RGS6: variants seen among roughly 807,000 people sequenced by gnomAD.
RGS6 encodes the protein regulator of G protein signaling 6.
RGS6 carries 30 observed loss-of-function variants against 78.5 expected under a neutral mutation model. The ratio of observed to expected loss-of-function variants is 0.38; its 90% CI spans 0.29 to 0.52. The LOEUF is 0.52. RGS6 is among the 20% of genes least tolerant of loss of function. The pLI, the probability that RGS6 is intolerant of heterozygous loss-of-function variation, is 0.85. For synonymous variants in RGS6, 206 were observed against 206.0 expected, an observed-to-expected ratio of 1.00 and a Z score of 0.00; for missense variants, 495 against 609.7, an observed-to-expected ratio of 0.81 and a Z score of 1.98.
downstream of RGS6, among the ~76,000 whole-genome samples, chr14:72,570,823 C>A (rs1232058299): frequency 6.6e-6 from 1 of 152,172 alleles, no homozygotes; most frequent in Non-Finnish European, 1.5e-5. Context: ...TGCTAAGCAG[C>A]ATTATGAACT....
intron 2 of RGS6, among the ~76,000 whole-genome samples, chr14:72,005,210 G>A (rs971537510): frequency 2.0e-5 from 3 of 152,110 alleles, no homozygotes; most frequent in African/African-American, 7.2e-5. Flanking sequence ...TAAAACATTT[G>A]CATTGAAAAA....
intron 1 of RGS6, among the ~76,000 whole-genome samples, chr14:71,941,318 G>T (rs1391498873): frequency 6.6e-6 from 1 of 152,086 alleles, no homozygotes; most frequent in Non-Finnish European, 1.5e-5. Flanking sequence ...TATACTATTA[G>T]AAGTAGAGTC....
At chr14:72,116,153 A>T (rs911831423) in intron 2 of RGS6, among the ~76,000 whole-genome samples, 1 of 152,234 alleles carries the variant, frequency 6.6e-6, no homozygotes, top group Non-Finnish European at 1.5e-5. Flanking sequence ...TTGTACACAC[A>T]TATGTGATGC....
intron 2 of RGS6, among the ~76,000 whole-genome samples, chr14:72,323,605 C>T (rs927176622): frequency 7.3e-5 from 11 of 151,094 alleles, no homozygotes; most frequent in African/African-American, 2.7e-4. Context: ...AGTTCGTGAC[C>T]TGCCTGGCCA....
intron 2 of RGS6, among the ~76,000 whole-genome samples, chr14:72,323,553 C>G (rs2072733178): frequency 6.6e-6 from 1 of 151,680 alleles, no homozygotes; most frequent in South Asian, 2.1e-4. Flanking sequence ...TTAGCCCTAT[C>G]AAATATTAAA....
the RGS6 span, among the ~76,000 whole-genome samples, chr14:72,613,825 G>A: frequency 2.6e-5 from 4 of 152,170 alleles, no homozygotes; most frequent in Non-Finnish European, 4.4e-5. Context: ...CGCACATGGA[G>A]GGGGCGCCCG....
At chr14:72,405,850 T>C (rs559263051) in intron 3 of RGS6, among the ~76,000 whole-genome samples, 1 of 152,332 alleles carries the variant, frequency 6.6e-6, no homozygotes, top group South Asian at 2.1e-4. Flanking sequence ...AGCTTTCAGT[T>C]TCAATGGTGG....
At chr14:71,912,164 AGAAG>A in the RGS6 span, among the ~76,000 whole-genome samples, 2 of 152,182 alleles carry the variant, frequency 1.3e-5, no homozygotes, top group African/African-American at 2.4e-5. Context: ...TGGCAACGAG[AGAAG>A]GAAGTCTGGC....
At chr14:72,537,274 C>T (rs1384708410) in intron 16 of RGS6, among the ~76,000 whole-genome samples, 2 of 152,180 alleles carry the variant, frequency 1.3e-5, no homozygotes, top group African/African-American at 4.8e-5. Context: ...ACATGCTCTC[C>T]GCTGGGCTGC....
intron 2 of RGS6, among the ~76,000 whole-genome samples, chr14:72,213,599 C>A (rs1441540777): frequency 6.6e-6 from 1 of 152,162 alleles, no homozygotes; most frequent in Non-Finnish European, 1.5e-5. Context: ...GGGAACAACC[C>A]CTCCTTAATG....
chr14:72,434,526 C>T (rs1566837702), intron 3 of RGS6, among the ~76,000 whole-genome samples: 3 of 152,056 alleles, frequency 2.0e-5, no homozygotes, highest in Non-Finnish European at 4.4e-5. Context: ...ATCACAATTC[C>T]GGTGGCCTGG....
chr14:72,228,191 C>T (rs2048605639), intron 2 of RGS6, among the ~76,000 whole-genome samples: 2 of 152,052 alleles, frequency 1.3e-5, no homozygotes, highest in African/African-American at 4.8e-5. Flanking sequence ...TCTGCCTAGC[C>T]AACATGGTGA....
At chr14:72,052,925 T>TTTCTTTC (rs2093340474) in intron 2 of RGS6, among the ~76,000 whole-genome samples, 5 of 120,330 alleles carry the variant, frequency 4.2e-5, no homozygotes, top group East Asian at 4.7e-4. Flanking sequence ...TTCATTGTAT[T>TTTCTTTC]TTTCTTTCTT....
In RGS6 at chr14:71,964,857, C is replaced by T; in HGVS notation, c.66C>T (p.Asn22=). ...CTGACCCAGAGGAGAGTTCTCCAAA[C>T]ATGATCGTTTACTGCAAAGTAAGGC... ...GVADPEESSP[N]MIVYCKIEDI... Residue 22 remains asparagine (N), a synonymous_variant, in exon 2 of 18, where the codon AAC becomes AAT. Transcript: ENST00000553525. The T allele has an allele frequency of 6.2e-7, 1 of 1,613,840 alleles. No individual in the cohort carries two copies. Among genetic ancestry groups the T allele is most frequent in the Non-Finnish European group, 8.5e-7 (1 of 1,179,856 alleles).
chr14:72,176,978 A>G (rs2097113093), intron 2 of RGS6, among the ~76,000 whole-genome samples: 1 of 152,184 alleles, frequency 6.6e-6, no homozygotes, highest in South Asian at 2.1e-4. Context: ...CTTAACATAA[A>G]TGAAATGATA....
At chr14:72,058,594 C>T (rs1054320188) in intron 2 of RGS6, among the ~76,000 whole-genome samples, 1 of 151,918 alleles carries the variant, frequency 6.6e-6, no homozygotes, top group South Asian at 2.1e-4. Context: ...CTAATGCTCT[C>T]ATTTTGCAGA....
At chr14:71,874,276 A>G in the RGS6 span, among the ~76,000 whole-genome samples, 1 of 152,046 alleles carries the variant, frequency 6.6e-6, no homozygotes, top group African/African-American at 2.4e-5. Context: ...ATCCATGAGC[A>G]TGGAATGTTC....
chr14:72,449,906 G>T (rs1381158148), intron 3 of RGS6, among the ~76,000 whole-genome samples: 1 of 152,208 alleles, frequency 6.6e-6, no homozygotes, highest in African/African-American at 2.4e-5. Flanking sequence ...AGGGCTTGAG[G>T]ATAGCCAGAG....
chr14:72,051,242 T>C (rs1204362390), intron 2 of RGS6, among the ~76,000 whole-genome samples: 1 of 152,070 alleles, frequency 6.6e-6, no homozygotes, highest in African/African-American at 2.4e-5. Flanking sequence ...AATAAATAGA[T>C]GGGTACCAAT....
Sources: allele counts gnomAD v4.1 joint callset (sites outside exome capture counted in the v4.1 genomes callset), GRCh38; gene constraint gnomAD v4.1.1; transcripts MANE v1.5; gene names NCBI Gene and HGNC (gene_info 2026-07-23, HGNC 2026-07-21).